GFRA1: variants seen among roughly 807,000 people sequenced by gnomAD.
GFRA1 encodes the protein GDNF family receptor alpha 1, also known as GDNF family receptor alpha-1.
In GFRA1, 16 loss-of-function variants were observed where a neutral mutation model predicts 51.6. The observed-to-expected ratio is 0.31, with a 90% CI of 0.21 to 0.47. GFRA1 has a LOEUF of 0.47. GFRA1 is among the 20% of genes least tolerant of loss of function. GFRA1 has a pLI of 1.00. For missense variants in GFRA1, 530 were observed against 594.3 expected (o/e 0.89, Z 1.13); for synonymous variants, 270 against 241.3 (o/e 1.12, Z -1.10).
chr10:116,157,753 G>C (rs559494828), intron 5 of GFRA1, among the ~76,000 whole-genome samples: 27 of 152,268 alleles, frequency 1.8e-4, no homozygotes, highest in Middle Eastern at 3.4e-3. Context: ...GGAGTTCCTT[G>C]CTATAGAACT....
intron 6 of GFRA1, 82 bp from the exon 7 acceptor site, chr10:116,096,846 CCTTT>C: frequency 1.3e-6 from 1 of 766,460 alleles, no homozygotes. Context: ...TTTCTTTATT[CCTTT>C]GTTGATATGC....
At chr10:116,213,099 T>C (rs1481964027) in intron 4 of GFRA1, among the ~76,000 whole-genome samples, 1 of 152,190 alleles carries the variant, frequency 6.6e-6, no homozygotes. Context: ...TTCTAGAAGA[T>C]AGTTTGATGG....
rs533293281 is a variant in GFRA1 at position 116,065,010 on chromosome 10, A to T, written c.1252-466T>A. 1.0e-3 allele frequency among the ~76,000 whole-genome samples: 159 copies of T among 152,014 alleles called. 1 individual carries two copies. Among genetic ancestry groups the T allele is most frequent in the Admixed American group, 0.01 (159 of 15,294 alleles). ...CTTGTTGCTGGGAGAACTAAACCAG[A>T]ACTCTGGCTTCTGGATTCCCAGCCA... On this transcript the variant is annotated intron_variant, in intron 10 of 10. Coordinates refer to ENST00000355422, the MANE Select transcript of GFRA1 (RefSeq NM_005264.8).
chr10:116,197,839 C>A (rs576188246), intron 5 of GFRA1, among the ~76,000 whole-genome samples: 1 of 152,110 alleles, frequency 6.6e-6, no homozygotes, highest in African/African-American at 2.4e-5. Context: ...CAGCTACAGG[C>A]GGATTATTCC....
At chr10:116,226,428 G>T (rs902652923) in intron 4 of GFRA1, among the ~76,000 whole-genome samples, 3 of 152,218 alleles carry the variant, frequency 2.0e-5, no homozygotes, top group Non-Finnish European at 2.9e-5. Context: ...CACAGAAAGG[G>T]AAGTTCTGCT....
At chr10:116,244,256 G>A (rs966593070) in intron 4 of GFRA1, among the ~76,000 whole-genome samples, 2 of 138,736 alleles carry the variant, frequency 1.4e-5, no homozygotes, top group Admixed American at 7.3e-5. Flanking sequence ...TTTTCAGTGA[G>A]ATAAAGGAAT....
rs1954798394 is a variant in GFRA1, at chr10:116,061,238, A to G, written c.*3160T>C. On this transcript the variant is annotated 3_prime_UTR_variant, in exon 11 of 11. Coordinates refer to ENST00000355422, the MANE Select transcript of GFRA1 (RefSeq NM_005264.8). ...CTAAGACATTCTTACTACAGCACAAAAGTCTGTTAAAAAAAAAAAAAAAGA... is the reference window on the plus strand; with the variant it reads ...CTAAGACATTCTTACTACAGCACAAGAGTCTGTTAAAAAAAAAAAAAAAGA... The G allele has an allele frequency of 7.4e-6, 1 of 134,742 alleles. No individual in the cohort carries two copies. The highest frequency in any genetic ancestry group is 2.3e-4 in the South Asian group (1 of 4,324). The allele number at this position is 134,742 out of a possible 1,614,324, so 8.3% of individuals were successfully genotyped here.
chr10:116,100,833 GAGAA>G (rs3031213), intron 6 of GFRA1, among the ~76,000 whole-genome samples: 2 of 152,152 alleles, frequency 1.3e-5, no homozygotes, highest in South Asian at 4.1e-4. Flanking sequence ...GCCGGAAGAG[GAGAA>G]AGAAAGGAGG....
chr10:116,130,070 C>G (rs1454221717), intron 5 of GFRA1, among the ~76,000 whole-genome samples: 1 of 147,774 alleles, frequency 6.8e-6, no homozygotes, highest in Non-Finnish European at 1.5e-5. Context: ...TTATTTACAG[C>G]ACGATCAATG....
Position 116,270,984 on chromosome 10 carries a change from T to G in GFRA1, c.172A>C (p.Thr58Pro). 1 of 1,614,234 alleles carries G rather than the reference T, an allele frequency of 6.2e-7. No homozygotes were observed. The highest frequency in any genetic ancestry group is 8.5e-7 in the Non-Finnish European group (1 of 1,180,046). ...AGGCCGGATGCCAGGCTGAAGTTGG[T>G]CTCCTTGCCCGCCACGCACTGCCTT... Reference protein sequence around the residue: ...TLRQCVAGKETNFSLASGLEA... With the variant: ...TLRQCVAGKEPNFSLASGLEA... The change falls in exon 3 of 11, where the codon ACC becomes CCC. Residue 58 changes from threonine (T) to proline (P), a missense_variant. Transcript: ENST00000355422.
chr10:116,234,067 G>A (rs746771265), intron 4 of GFRA1, among the ~76,000 whole-genome samples: 8 of 152,152 alleles, frequency 5.3e-5, no homozygotes, highest in Non-Finnish European at 1.2e-4. Flanking sequence ...CGGCTGAACT[G>A]TACTTATGTT....
Position 116,058,775 on chromosome 10 carries a change from G to C in GFRA1, c.*5623C>G, listed in dbSNP as rs1247672884. Reference sequence around the variant, plus strand: ...CTCACTCAGTAAACGTGCTGACTTGGTAAGCATTTGATGTTGCTTCTCAGG... The same window carrying C: ...CTCACTCAGTAAACGTGCTGACTTGCTAAGCATTTGATGTTGCTTCTCAGG... On this transcript the variant is annotated 3_prime_UTR_variant, in exon 11 of 11. Coordinates refer to ENST00000355422, the MANE Select transcript of GFRA1 (RefSeq NM_005264.8). 2 of 152,190 alleles carry C rather than the reference G, an allele frequency of 1.3e-5. No homozygotes were observed. Among genetic ancestry groups the C allele is most frequent in the African/African-American group, 2.4e-5 (1 of 41,436 alleles). 9.4% of individuals were successfully genotyped at this position (152,190 alleles called of 1,614,324 possible).
At chr10:116,076,240 T>C (rs774600676) in intron 9 of GFRA1, among the ~76,000 whole-genome samples, 84 of 152,270 alleles carry the variant, frequency 5.5e-4, no homozygotes, top group Middle Eastern at 3.4e-3. Context: ...CCAGAGCTAA[T>C]GCCTGTCTGA....
chr10:116,227,845 T>C (rs955176773), intron 4 of GFRA1, among the ~76,000 whole-genome samples: 4 of 152,218 alleles, frequency 2.6e-5, no homozygotes, highest in African/African-American at 9.6e-5. Flanking sequence ...TTGTGGCACT[T>C]AGAATGGGCC....
At chr10:116,069,973 G>C (rs1465070777) in intron 9 of GFRA1, among the ~76,000 whole-genome samples, 1 of 152,148 alleles carries the variant, frequency 6.6e-6, no homozygotes. Flanking sequence ...AGAGAAGCCA[G>C]TATTTAAGCT....
At position 116,119,960 on chromosome 10, in the gene GFRA1, T is replaced by A. The variant is rs545722420; in HGVS notation, c.770+5261A>T. The stretch of plus-strand genomic sequence containing the variant: ...GCTGACAAGGGCAGAATTTTGGAAA[T>A]TGCATGTGCTGTTCTCCTGGAGCTG... On this transcript the variant is annotated intron_variant, in intron 6 of 10. Coordinates refer to ENST00000355422, the MANE Select transcript of GFRA1 (RefSeq NM_005264.8). Among the ~76,000 whole-genome samples the A allele has an allele frequency of 9.8e-5, 15 of 152,340 alleles. No homozygotes were observed. In the East Asian group the frequency reaches 2.7e-3, roughly 27 times the overall value.
At chr10:116,109,093 G>A (rs779276899) in intron 6 of GFRA1, among the ~76,000 whole-genome samples, 1 of 152,286 alleles carries the variant, frequency 6.6e-6, no homozygotes, top group Non-Finnish European at 1.5e-5. Context: ...TCAAACCTGT[G>A]TCATTTTTGA....
chr10:116,225,038 G>A (rs1179235873), intron 4 of GFRA1, among the ~76,000 whole-genome samples: 3 of 152,032 alleles, frequency 2.0e-5, no homozygotes, highest in Admixed American at 2.0e-4. Flanking sequence ...TCCTCAGGGG[G>A]TCACAGCCTG....
chr10:116,195,798 A>G (rs2134350675), intron 5 of GFRA1, among the ~76,000 whole-genome samples: 1 of 152,312 alleles, frequency 6.6e-6, no homozygotes, highest in Admixed American at 6.5e-5. Context: ...TCAGGCCCAA[A>G]CTTGCAAACC....
Sources: allele counts gnomAD v4.1 joint callset (sites outside exome capture counted in the v4.1 genomes callset), GRCh38; gene constraint gnomAD v4.1.1; transcripts MANE v1.5; gene names NCBI Gene and HGNC (gene_info 2026-07-23, HGNC 2026-07-21).